The following ELMO1 variants were observed in gnomAD, a reference collection of about 807,000 sequenced individuals.
ELMO1 encodes the protein engulfment and cell motility 1.
ELMO1 carries 26 observed loss-of-function variants against 98.9 expected under a neutral mutation model. That is an observed-to-expected ratio of 0.26 (90% CI 0.19 to 0.36). The LOEUF is 0.36. Ranked by LOEUF, ELMO1 falls within the 10% of genes least tolerant of loss-of-function variation. The pLI is 1.00. For missense variants in ELMO1, 627 were observed against 935.2 expected (o/e 0.67, Z 4.30); for synonymous variants, 346 against 346.0 (o/e 1.00, Z 0.00).
intron 13 of ELMO1, among the ~76,000 whole-genome samples, chr7:37,199,370 T>A (rs1792155726): frequency 6.6e-6 from 1 of 152,154 alleles, no homozygotes; most frequent in Admixed American, 6.6e-5. Context: ...TCCCAGCATT[T>A]TGGGAGGCTG....
At chr7:37,176,469 A>C (rs1319237002) in intron 13 of ELMO1, among the ~76,000 whole-genome samples, 1 of 152,258 alleles carries the variant, frequency 6.6e-6, no homozygotes, top group East Asian at 1.9e-4. Flanking sequence ...AGAAAGCTGT[A>C]AGAATAAAAA....
chr7:37,010,683 T>C (rs1415553271), intron 16 of ELMO1, among the ~76,000 whole-genome samples: 2 of 152,360 alleles, frequency 1.3e-5, no homozygotes, highest in African/African-American at 4.8e-5. Flanking sequence ...GCCTTGATTT[T>C]GTCCTAGTGA....
intron 13 of ELMO1, among the ~76,000 whole-genome samples, chr7:37,192,346 T>C (rs1459207463): frequency 2.6e-5 from 4 of 151,116 alleles, no homozygotes; most frequent in African/African-American, 9.8e-5. Context: ...AATACAAAAA[T>C]TCGCTGGATG....
intron 6 of ELMO1, among the ~76,000 whole-genome samples, chr7:37,258,016 T>TC (rs1795778849): frequency 6.6e-6 from 1 of 150,814 alleles, no homozygotes; most frequent in Non-Finnish European, 1.5e-5. Context: ...ACGCCTGTAA[T>TC]CCCAACACCT....
At chr7:37,060,378 G>T (rs1468064662) in intron 15 of ELMO1, among the ~76,000 whole-genome samples, 2 of 152,082 alleles carry the variant, frequency 1.3e-5, no homozygotes, top group African/African-American at 4.8e-5. Flanking sequence ...GCAGCTGGAG[G>T]CCGGTATCCT....
intron 14 of ELMO1, among the ~76,000 whole-genome samples, chr7:37,126,417 C>T (rs1786530082): frequency 6.6e-6 from 1 of 151,406 alleles, no homozygotes; most frequent in Admixed American, 6.6e-5. Context: ...TCCATACTGA[C>T]TGCCCAACAG....
intron 16 of ELMO1, among the ~76,000 whole-genome samples, chr7:36,934,982 C>T (rs578141310): frequency 3.3e-5 from 5 of 152,148 alleles, no homozygotes; most frequent in Non-Finnish European, 7.4e-5. Flanking sequence ...TCAGGACCAC[C>T]GTGGTCTCCA....
intron 13 of ELMO1, among the ~76,000 whole-genome samples, chr7:37,164,086 C>T (rs1358684749): frequency 4.6e-5 from 7 of 152,118 alleles, no homozygotes; most frequent in Non-Finnish European, 1.0e-4. Context: ...CTCTGATGGC[C>T]AGTGATGATG....
intron 1 of ELMO1, among the ~76,000 whole-genome samples, chr7:37,345,845 C>T (rs897328385): frequency 4.0e-5 from 6 of 151,422 alleles, no homozygotes; most frequent in African/African-American, 9.7e-5. Flanking sequence ...AAAAATTAGC[C>T]GGGCGTGGTG....
intron 1 of ELMO1, chr7:37,393,982 T>C (rs1411763520): frequency 6.6e-6 from 1 of 152,238 alleles, no homozygotes. Flanking sequence ...CAGAATACTT[T>C]AAGTCCTACT....
chr7:37,308,265 G>A (rs1183322535), intron 4 of ELMO1, among the ~76,000 whole-genome samples: 2 of 152,088 alleles, frequency 1.3e-5, no homozygotes, highest in East Asian at 1.9e-4. Context: ...CAATCCAATC[G>A]TTTGTCATCA....
At position 37,233,203 on chromosome 7, in the gene ELMO1, G is replaced by A; in HGVS notation, c.450-9C>T. ...ACAGCATGTCTCCAAAGCTGAAAAA[G>A]ACAGAGAGGCACAAGAGTCAAGAGC... is the stretch of plus-strand genomic sequence containing the variant. On this transcript the variant is annotated splice_polypyrimidine_tract_variant and intron_variant, in intron 7 of 21. Transcript: ENST00000310758. The A allele has an allele frequency of 6.2e-7, 1 of 1,609,676 alleles. No individual in the cohort carries two copies. The highest frequency in any genetic ancestry group is 8.5e-7 in the Non-Finnish European group (1 of 1,178,430).
chr7:36,939,703 G>A (rs749789975), intron 16 of ELMO1, among the ~76,000 whole-genome samples: 11 of 152,184 alleles, frequency 7.2e-5, no homozygotes, highest in African/African-American at 1.4e-4. Flanking sequence ...CTGGGATGGC[G>A]GGGGGTGCCC....
At chr7:36,978,008 A>G (rs558617682) in intron 16 of ELMO1, among the ~76,000 whole-genome samples, 2 of 151,998 alleles carry the variant, frequency 1.3e-5, no homozygotes, top group Non-Finnish European at 2.9e-5. Flanking sequence ...AGGTTAATCC[A>G]TATATACTCA....
intron 13 of ELMO1, among the ~76,000 whole-genome samples, chr7:37,188,000 G>C (rs1168971891): frequency 1.3e-5 from 2 of 151,816 alleles, no homozygotes; most frequent in East Asian, 3.9e-4. Context: ...ATTACCTTGT[G>C]ACAAGAATCT....
chr7:37,190,373 A>C (rs1424267791), intron 13 of ELMO1, among the ~76,000 whole-genome samples: 1 of 152,230 alleles, frequency 6.6e-6, no homozygotes, highest in African/African-American at 2.4e-5. Context: ...TTTTTAATCT[A>C]AGTTTTGTAC....
intron 16 of ELMO1, among the ~76,000 whole-genome samples, chr7:36,982,403 A>C (rs1791142514): frequency 6.6e-6 from 1 of 152,248 alleles, no homozygotes; most frequent in Admixed American, 6.5e-5. Context: ...ATATCATTAA[A>C]ATTAACTGGC....
intron 5 of ELMO1, among the ~76,000 whole-genome samples, chr7:37,265,976 T>G (rs1796223238): frequency 6.6e-6 from 1 of 152,114 alleles, no homozygotes; most frequent in Non-Finnish European, 1.5e-5. Flanking sequence ...TCCACGACAC[T>G]CCTTCCAACT....
chr7:37,365,083 T>C (rs1325500868), intron 1 of ELMO1, among the ~76,000 whole-genome samples: 4 of 152,176 alleles, frequency 2.6e-5, no homozygotes, highest in Non-Finnish European at 4.4e-5. Flanking sequence ...AGTTTTCCTG[T>C]CCATTCCCAC....
Sources: allele counts gnomAD v4.1 joint callset (sites outside exome capture counted in the v4.1 genomes callset), GRCh38; gene constraint gnomAD v4.1.1; transcripts MANE v1.5; gene names NCBI Gene and HGNC (gene_info 2026-07-23, HGNC 2026-07-21).